PTK2: variants seen among roughly 807,000 people sequenced by gnomAD.
PTK2 encodes the protein protein tyrosine kinase 2.
In PTK2, 45 loss-of-function variants were observed where a neutral mutation model predicts 150.1. The observed-to-expected ratio is 0.30, with a 90% CI of 0.24 to 0.38. The LOEUF (loss-of-function observed/expected upper bound fraction) is 0.38, where lower values mean the gene tolerates loss of function less well. Among genes scored for constraint, PTK2 ranks in the 10% least tolerant of loss-of-function variants. The pLI is 1.00. For synonymous variants in PTK2, 432 were observed against 449.2 expected (o/e 0.96, Z 0.48); for missense variants, 919 against 1,307.3 (o/e 0.70, Z 4.58).
intron 16 of PTK2, among the ~76,000 whole-genome samples, chr8:140,753,822 C>CA (rs1207892254): frequency 6.6e-6 from 1 of 152,074 alleles, no homozygotes; most frequent in Admixed American, 6.6e-5. Context: ...CCTGTTTTGT[C>CA]AAAAAATCCC....
At chr8:140,666,868 A>G (rs538675777) in intron 30 of PTK2, among the ~76,000 whole-genome samples, 23 of 152,380 alleles carry the variant, frequency 1.5e-4, no homozygotes, top group African/African-American at 5.5e-4. Flanking sequence ...AAGCAACCCA[A>G]GTACCCTGTG....
At chr8:140,895,191 A>C (rs968366913) in intron 2 of PTK2, among the ~76,000 whole-genome samples, 2 of 152,208 alleles carry the variant, frequency 1.3e-5, no homozygotes, top group Non-Finnish European at 2.9e-5. Flanking sequence ...GTGAAAAGAA[A>C]TATCAAAACT....
intron 7 of PTK2, among the ~76,000 whole-genome samples, chr8:140,842,145 G>A (rs977677258): frequency 4.6e-5 from 7 of 151,998 alleles, no homozygotes; most frequent in Admixed American, 2.0e-4. Context: ...GAGCTATAAG[G>A]ATATTTATTA....
At chr8:140,964,235 T>C (rs2100184413) in intron 1 of PTK2, among the ~76,000 whole-genome samples, 1 of 152,188 alleles carries the variant, frequency 6.6e-6, no homozygotes, top group African/African-American at 2.4e-5. Context: ...ATAATTTGCC[T>C]GTTTTTTAAG....
At chr8:140,851,955 T>C (rs560340042) in intron 5 of PTK2, among the ~76,000 whole-genome samples, 80 of 152,190 alleles carry the variant, frequency 5.3e-4, no homozygotes, top group African/African-American at 1.7e-3. Flanking sequence ...GTGTGTGTAC[T>C]TGGGTGGGAG....
chr8:140,726,875 A>C (rs2100046157), intron 22 of PTK2, among the ~76,000 whole-genome samples: 1 of 152,216 alleles, frequency 6.6e-6, no homozygotes, highest in African/African-American at 2.4e-5. Flanking sequence ...AAAAATCATA[A>C]ACTAATTTTG....
chr8:140,878,312 T>C (rs894814573), intron 4 of PTK2, among the ~76,000 whole-genome samples: 1 of 152,104 alleles, frequency 6.6e-6, no homozygotes, highest in African/African-American at 2.4e-5. Context: ...ACATAAGATT[T>C]ATTCAGGCTG....
intron 2 of PTK2, among the ~76,000 whole-genome samples, chr8:140,903,712 C>A (rs1056124919): frequency 6.6e-6 from 1 of 152,090 alleles, no homozygotes; most frequent in African/African-American, 2.4e-5. Context: ...TTGAAGAGGT[C>A]CTTCACATCC....
chr8:140,952,356 CA>C (rs979055996), intron 1 of PTK2, among the ~76,000 whole-genome samples: 25 of 152,178 alleles, frequency 1.6e-4, no homozygotes, highest in African/African-American at 5.8e-4. Context: ...GACCTTCTCA[CA>C]CTGTAACAAT....
intron 14 of PTK2, among the ~76,000 whole-genome samples, chr8:140,772,238 T>TTTAC (rs1434795617): frequency 1.3e-5 from 2 of 152,050 alleles, no homozygotes; most frequent in Non-Finnish European, 1.5e-5. Flanking sequence ...TGCCAGCCTG[T>TTTAC]GTAACATAGC....
In PTK2 at chr8:140,935,871, C is replaced by T. The variant is rs566297215; in HGVS notation, c.-121-10122G>A. Reference sequence around the variant, plus strand: ...ATTTTTAGGAGACACAGGGTTTCACCGTGTTGACCTTGTGATCCACCCGCC... The same window carrying T: ...ATTTTTAGGAGACACAGGGTTTCACTGTGTTGACCTTGTGATCCACCCGCC... On this transcript the variant is annotated intron_variant, in intron 1 of 31. Coordinates refer to ENST00000522684, the Ensembl canonical transcript of PTK2. Among the ~76,000 whole-genome samples, 18 of 151,914 alleles carry T rather than the reference C, an allele frequency of 1.2e-4. No individual in the cohort carries two copies. In the South Asian group the frequency reaches 2.3e-3, roughly 19 times the overall value.
Position 140,994,752 on chromosome 8 carries a change from GC to G in PTK2, c.-122+6372del, listed in dbSNP as rs560679542. ...GCATTCCCACTATTCCACTTACTGG[GC>G]CCCTGTCTCTTCTGCTCTCCTCCCT... On this transcript the variant is annotated intron_variant, in intron 1 of 31. Transcript: ENST00000522684. Among the ~76,000 whole-genome samples the G allele has an allele frequency of 3.4e-3, 513 of 152,166 alleles. 4 individuals are homozygous for G. Among genetic ancestry groups the G allele is most frequent in the African/African-American group, 0.012 (498 of 41,518 alleles).
At chr8:140,985,291 T>C (rs1378159581) in intron 1 of PTK2, among the ~76,000 whole-genome samples, 1 of 151,980 alleles carries the variant, frequency 6.6e-6, no homozygotes, top group Non-Finnish European at 1.5e-5. Context: ...GCCCAACTAA[T>C]TTTGTTAAAT....
chr8:140,803,792 T>C (rs993267600), intron 10 of PTK2, 142 bp from the exon 11 acceptor site: 1 of 729,166 alleles, frequency 1.4e-6, no homozygotes, highest in African/African-American at 1.8e-5. Context: ...AGATTCTCCA[T>C]GCTGCCCCAG....
At chr8:140,948,351 AAAAC>A (rs1435050511) in intron 1 of PTK2, among the ~76,000 whole-genome samples, 3 of 152,200 alleles carry the variant, frequency 2.0e-5, no homozygotes, top group Non-Finnish European at 4.4e-5. Flanking sequence ...AGAAATAACA[AAAAC>A]AAAATATGAG....
At chr8:140,748,951 A>G (rs1317805134) in intron 17 of PTK2, among the ~76,000 whole-genome samples, 1 of 152,262 alleles carries the variant, frequency 6.6e-6, no homozygotes, top group Non-Finnish European at 1.5e-5. Flanking sequence ...CAAGGAAATT[A>G]GAATAACAGA....
At chr8:140,709,468 C>G (rs1324370770) in intron 23 of PTK2, among the ~76,000 whole-genome samples, 1 of 152,214 alleles carries the variant, frequency 6.6e-6, no homozygotes, top group East Asian at 1.9e-4. Context: ...AGCTCTACTT[C>G]TGTTCTCTAC....
At chr8:140,802,463 A>AT (rs1221723419) in intron 11 of PTK2, among the ~76,000 whole-genome samples, 2 of 152,220 alleles carry the variant, frequency 1.3e-5, no homozygotes, top group East Asian at 1.9e-4. Context: ...AAATCAGTTT[A>AT]TAAAATATAA....
chr8:140,860,885 G>A (rs1396964585), intron 5 of PTK2, among the ~76,000 whole-genome samples: 5 of 152,094 alleles, frequency 3.3e-5, no homozygotes, highest in Admixed American at 6.6e-5. Context: ...GAAAAACAAC[G>A]ACATTGCCAA....
Sources: gnomAD v4.1 joint callset for allele counts (sites outside exome capture counted in the v4.1 genomes callset) on GRCh38, gnomAD v4.1.1 for gene constraint, MANE v1.5 for transcripts, NCBI Gene and HGNC (gene_info 2026-07-23, HGNC 2026-07-21) for gene names.